The following ITIH3 variants were observed in gnomAD, a reference collection of about 807,000 sequenced individuals.
ITIH3 encodes the protein inter-alpha-trypsin inhibitor heavy chain 3.
Under a neutral mutation model 96.5 loss-of-function variants are expected in ITIH3, and 81 were observed. The ratio of observed to expected loss-of-function variants is 0.84; its 90% CI spans 0.70 to 1.01. The LOEUF is 1.01. Among genes scored for constraint, ITIH3 ranks in the 50% least tolerant of loss-of-function variants. The probability of loss-of-function intolerance (pLI) is 0.00; values close to 1 mark genes in which losing one functional copy is unlikely to be tolerated. For synonymous variants in ITIH3, 422 were observed against 445.2 expected, an observed-to-expected ratio of 0.95 and a Z score of 0.66; for missense variants, 1,057 against 1,139.3, an observed-to-expected ratio of 0.93 and a Z score of 1.04.
intron 14 of ITIH3, 180 bp downstream of exon 14, chr3:52,804,189 C>G (rs368835416): frequency 4.9e-5 from 31 of 638,990 alleles, no homozygotes; most frequent in East Asian, 4.7e-4. Flanking sequence ...TCAGCATGGA[C>G]AGTGGGGTGT....
chr3:52,804,604 C>G (rs1578760614), intron 14 of ITIH3, 122 bp from the exon 15 acceptor site: 1 of 999,374 alleles, frequency 1.0e-6, no homozygotes, highest in Non-Finnish European at 1.5e-6. Flanking sequence ...GGGGGAAGAG[C>G]TGGCTGCTGG....
chr3:52,797,908 C>T lies in ITIH3; in HGVS notation c.641C>T (p.Thr214Ile), dbSNP rs1699656245. 6.2e-7 allele frequency: 1 copy of T among 1,601,834 alleles called. No individual in the cohort carries two copies. The change falls in exon 6 of 22, where the codon ACC becomes ATC. Residue 214 changes from threonine to isoleucine, a missense_variant. Transcript: ENST00000449956. ...ITNDLLGSAL[T>I]KSFSGKKGHV... ...AACGACCTCCTGGGAAGCGCCCTCA[C>T]CAAGTCCTTCTCAGGGAAAAAGGTG...
chr3:52,800,209 T>C (rs185744393), intron 9 of ITIH3, among the ~76,000 whole-genome samples: 2 of 152,324 alleles, frequency 1.3e-5, no homozygotes, highest in African/African-American at 2.4e-5. Context: ...CTGTTTCATA[T>C]GGAAAATGGC....
chr3:52,805,886 T>C, intron 16 of ITIH3, 46 bp downstream of exon 16: 1 of 1,603,394 alleles, frequency 6.2e-7, no homozygotes, highest in Non-Finnish European at 8.5e-7. Context: ...GCTTAGAGCC[T>C]GCCCCTGCCA....
intron 11 of ITIH3, 155 bp from the exon 12 acceptor site, chr3:52,802,179 A>T: frequency 1.5e-6 from 1 of 645,986 alleles, no homozygotes; most frequent in Non-Finnish European, 2.5e-6. Flanking sequence ...TGCCGGGGGG[A>T]GGCCCCCACA....
intron 15 of ITIH3, 56 bp downstream of exon 15, chr3:52,804,790 C>T (rs1420420552): frequency 1.9e-6 from 3 of 1,559,896 alleles, no homozygotes; most frequent in East Asian, 2.3e-5. Context: ...CAAGAGAGAA[C>T]TGAGGAGGCC....
chr3:52,796,744 T>C lies in ITIH3; in HGVS notation c.287T>C (p.Ile96Thr). The C allele has an allele frequency of 6.2e-7, 1 of 1,611,256 alleles. No homozygotes were observed. The highest frequency in any genetic ancestry group is 2.2e-5 in the East Asian group (1 of 44,858). The change falls in exon 4 of 22, where the codon ATC becomes ACC. Residue 96 changes from isoleucine to threonine, a missense_variant. Coordinates refer to ENST00000449956, the MANE Select transcript of ITIH3 (RefSeq NM_002217.4). ...TAFITNFTLT[I>T]DGVTYPGNVK... Reference sequence around the variant, plus strand: ...CCAACTCTCTTTCCCTGCAGGACCATCGACGGTGTTACCTACCCTGGGAAT... The same window carrying C: ...CCAACTCTCTTTCCCTGCAGGACCACCGACGGTGTTACCTACCCTGGGAAT...
At position 52,806,958 on chromosome 3, in the gene ITIH3, C is replaced by G. The variant is rs910311633; in HGVS notation, c.2114C>G (p.Thr705Ser). ...GDKRGSPDSK[T>S]RKTYFGKLGI... Reference sequence around the variant, plus strand: ...AAGAGAGGCAGCCCTGACTCCAAGACCAGAAAGACTTACTTTGGAAAACTG... The same window carrying G: ...AAGAGAGGCAGCCCTGACTCCAAGAGCAGAAAGACTTACTTTGGAAAACTG... Residue 705 changes from threonine (T) to serine (S), a missense_variant, in exon 19 of 22, where the codon ACC becomes AGC. By Grantham distance (58) the Thr-to-Ser change is moderately conservative. Transcript: ENST00000449956. 6.3e-7 allele frequency: 1 copy of G among 1,593,752 alleles called. No individual in the cohort carries two copies. Among genetic ancestry groups the G allele is most frequent in the Non-Finnish European group, 8.5e-7 (1 of 1,170,234 alleles).
At chr3:52,806,182 A>G (rs1450155785) in intron 17 of ITIH3, 44 bp downstream of exon 17, 2 of 1,597,858 alleles carry the variant, frequency 1.3e-6, no homozygotes, top group African/African-American at 1.3e-5. Context: ...GGGCCTGGGC[A>G]CGTGCTCCTG....
chr3:52,808,282 C>T, intron 21 of ITIH3, 61 bp downstream of exon 21: 1 of 1,382,396 alleles, frequency 7.2e-7, no homozygotes. Context: ...AGAGCACCTG[C>T]AGCCCAGGCA....
rs1559472744 is a variant in ITIH3 at position 52,803,297 on chromosome 3, TA to T, written c.1709+492del. Among the ~76,000 whole-genome samples, 416 of 142,112 alleles carry T rather than the reference TA, an allele frequency of 2.9e-3. 15 individuals are homozygous for T. In the South Asian group the frequency reaches 0.078, roughly 27 times the overall value. The allele number at this position is 142,112 out of a possible 152,430, so 93.2% of individuals were successfully genotyped here. ...TTATTTATTTATTTATTTATTTATT[TA>T]TTTATTTATTTTATTTTATTATTAT... On this transcript the variant is annotated intron_variant, in intron 13 of 21. Coordinates refer to ENST00000449956, the MANE Select transcript of ITIH3 (RefSeq NM_002217.4).
intron 14 of ITIH3, 161 bp downstream of exon 14, chr3:52,804,170 G>A (rs975085260): frequency 3.6e-5 from 25 of 701,824 alleles, no homozygotes; most frequent in Middle Eastern, 4.0e-4. Flanking sequence ...GGGGTGGAGC[G>A]TGAAGCAGTC....
chr3:52,800,954 T>G lies in ITIH3; in HGVS notation c.1202-11T>G. ...CTGGGGCTGGACTGTGAACACCCCC[T>G]TCTCCAACAGGTGAGAGCAGACCCG... On this transcript the variant is annotated splice_polypyrimidine_tract_variant and intron_variant, in intron 10 of 21. Transcript: ENST00000449956. 1 of 1,614,006 alleles carries G rather than the reference T, an allele frequency of 6.2e-7. No homozygotes were observed. Among genetic ancestry groups the G allele is most frequent in the Non-Finnish European group, 8.5e-7 (1 of 1,179,864 alleles).
Position 52,802,697 on chromosome 3 carries a change from G to A in ITIH3, c.1600G>A (p.Val534Met), listed in dbSNP as rs1699882552. ...ATNDLTFTEEVDMKEMEKALQ... is the reference protein window; with the variant it reads ...ATNDLTFTEEMDMKEMEKALQ... ...CAACGACCTGACCTTCACAGAGGAG[G>A]TGGACATGAAGGAGATGGAGAAGGC... The change falls in exon 13 of 22, where the codon GTG (valine) becomes ATG (methionine). Residue 534 changes from valine to methionine, a missense_variant. By Grantham distance (21) the Val-to-Met change is conservative. Coordinates refer to ENST00000449956, the MANE Select transcript of ITIH3 (RefSeq NM_002217.4). 2 of 1,613,968 alleles carry A rather than the reference G, an allele frequency of 1.2e-6. No homozygotes were observed. Among genetic ancestry groups the A allele is most frequent in the Non-Finnish European group, 1.7e-6 (2 of 1,179,878 alleles).
chr3:52,808,010 C>T, intron 20 of ITIH3, 94 bp downstream of exon 20: 2 of 1,570,324 alleles, frequency 1.3e-6, no homozygotes, highest in Non-Finnish European at 1.7e-6. Flanking sequence ...ACCCAGCTCA[C>T]AACACCCCAT....
chr3:52,797,572 A>G (rs1203649661), intron 5 of ITIH3, among the ~76,000 whole-genome samples: 1 of 152,250 alleles, frequency 6.6e-6, no homozygotes, highest in Non-Finnish European at 1.5e-5. Context: ...GCTGAAAGCC[A>G]AAGGAAAAGC....
intron 9 of ITIH3, 46 bp from the exon 10 acceptor site, chr3:52,800,492 G>C: frequency 6.5e-7 from 1 of 1,549,746 alleles, no homozygotes; most frequent in East Asian, 2.4e-5. Context: ...CTGCACACTG[G>C]CACCCTGAGG....
chr3:52,797,192 G>A lies in ITIH3; in HGVS notation c.474G>A (p.Glu158=), dbSNP rs1421248411. ...SKVTFELTYE[E]LLKRHKGKYE... is the part of the protein sequence containing the mutation. ...TCACCTTCGAGCTAACCTACGAGGA[G>A]CTGCTGAAGAGGCACAAGGGCAAGT... The change falls in exon 5 of 22, where the codon GAG becomes GAA. Residue 158 remains glutamate (E), a synonymous_variant. Transcript: ENST00000449956. The A allele has an allele frequency of 6.2e-7, 1 of 1,609,146 alleles. No homozygotes were observed. Among genetic ancestry groups the A allele is most frequent in the Middle Eastern group, 1.7e-4 (1 of 5,776 alleles).
intron 15 of ITIH3, chr3:52,805,463 G>A: frequency 9.0e-7 from 1 of 1,114,280 alleles, no homozygotes; most frequent in Non-Finnish European, 1.1e-6. Context: ...AGACAGCCGT[G>A]AGCCTCACTC....
Sources: gnomAD v4.1 joint callset for allele counts (sites outside exome capture counted in the v4.1 genomes callset) on GRCh38, gnomAD v4.1.1 for gene constraint, MANE v1.5 for transcripts, NCBI Gene and HGNC (gene_info 2026-07-23, HGNC 2026-07-21) for gene names.